The following NSRP1 variants were observed in gnomAD, a reference collection of about 807,000 sequenced individuals.
NSRP1 encodes coiled-coil domain containing 55.
A neutral mutation model predicts 54.7 loss-of-function variants in NSRP1; 24 were observed. That is an observed-to-expected ratio of 0.44 (90% CI 0.32 to 0.62). The LOEUF (loss-of-function observed/expected upper bound fraction) is 0.62, where lower values mean the gene tolerates loss of function less well. NSRP1 is among the 20% of genes least tolerant of loss of function. The pLI, the probability that NSRP1 is intolerant of heterozygous loss-of-function variation, is 0.06. For synonymous variants in NSRP1, 210 were observed against 213.8 expected, an observed-to-expected ratio of 0.98 and a Z score of 0.15; for missense variants, 596 against 651.2, an observed-to-expected ratio of 0.92 and a Z score of 0.92.
At chr17:30,154,855 T>G (rs1377503285) in intron 2 of NSRP1, among the ~76,000 whole-genome samples, 1 of 152,210 alleles carries the variant, frequency 6.6e-6, no homozygotes, top group Non-Finnish European at 1.5e-5. Flanking sequence ...CCAAAATGCT[T>G]CTTTGAGCAT....
chr17:30,123,567 T>C (rs2071623420), intron 2 of NSRP1, among the ~76,000 whole-genome samples: 1 of 152,226 alleles, frequency 6.6e-6, no homozygotes, highest in African/African-American at 2.4e-5. Context: ...ACAAAAGTTG[T>C]TTTGAGGAAA....
chr17:30,137,076 A>C (rs1462125918), intron 2 of NSRP1, among the ~76,000 whole-genome samples: 1 of 152,178 alleles, frequency 6.6e-6, no homozygotes, highest in Non-Finnish European at 1.5e-5. Context: ...CCTCAAGAGT[A>C]TTGTTGAAAT....
rs757950951 is a variant in NSRP1 at position 30,118,074 on chromosome 17, A to G, written c.21-6A>G. On this transcript the variant is annotated splice_region_variant and splice_polypyrimidine_tract_variant and intron_variant, in intron 1 of 6. Coordinates refer to ENST00000247026, the MANE Select transcript of NSRP1 (RefSeq NM_032141.4). ...TTAATTTCTATTTCAAAAAAAATAT[A>G]TGCAGGTATGGGCTTATTTTGCCAA... 2.5e-6 allele frequency: 4 copies of G among 1,609,626 alleles called. No homozygotes were observed. In the East Asian group the frequency reaches 8.9e-5, roughly 36 times the overall value.
At chr17:30,132,421 G>A (rs1181871126) in intron 2 of NSRP1, among the ~76,000 whole-genome samples, 1 of 152,026 alleles carries the variant, frequency 6.6e-6, no homozygotes, top group Non-Finnish European at 1.5e-5. Context: ...AGTTGTGGTG[G>A]CGTGCGCCTG....
At chr17:30,149,347 G>C (rs1022519902) in intron 2 of NSRP1, among the ~76,000 whole-genome samples, 3 of 152,104 alleles carry the variant, frequency 2.0e-5, no homozygotes, top group Non-Finnish European at 4.4e-5. Flanking sequence ...ACTGCACCTG[G>C]CTGCTGTTTT....
At chr17:30,139,827 A>G (rs2071786801) in intron 2 of NSRP1, among the ~76,000 whole-genome samples, 1 of 152,206 alleles carries the variant, frequency 6.6e-6, no homozygotes, top group Non-Finnish European at 1.5e-5. Flanking sequence ...GATCGAGACC[A>G]TCCTGGCTAA....
intron 2 of NSRP1, among the ~76,000 whole-genome samples, chr17:30,139,075 G>T (rs1240462939): frequency 6.6e-6 from 1 of 151,034 alleles, no homozygotes; most frequent in Non-Finnish European, 1.5e-5. Context: ...CTGCTACCAT[G>T]CCTAGCTAAT....
At position 30,185,315 on chromosome 17, in the gene NSRP1, C is replaced by T. The variant is rs115609438; in HGVS notation, c.1318C>T (p.Arg440Ter). Reference protein sequence around the residue: ...NNDKYRDREKREVGVQSSERN... With the variant: ...NNDKYRDREK ...TGATAAATACAGAGATAGAGAAAAACGAGAGGTAGGTGTTCAGTCTTCAGA... is the reference window on the plus strand; with the variant it reads ...TGATAAATACAGAGATAGAGAAAAATGAGAGGTAGGTGTTCAGTCTTCAGA... Residue 440 changes from arginine (R) to a stop codon, truncating the protein, a stop_gained, in exon 7 of 7, where the codon CGA becomes TGA. Transcript: ENST00000247026. LOFTEE classifies it high-confidence loss of function. The T allele has an allele frequency of 3.1e-6, 5 of 1,605,228 alleles. No individual in the cohort carries two copies. Among genetic ancestry groups the T allele is most frequent in the African/African-American group, 1.4e-5 (1 of 73,932 alleles).
chr17:30,127,721 T>A (rs984064493), intron 2 of NSRP1: 11 of 338,194 alleles, frequency 3.3e-5, no homozygotes, highest in Middle Eastern at 7.7e-4. Flanking sequence ...GCCTAGTTGT[T>A]GCTTTTGGAT....
At chr17:30,152,613 T>G (rs1027915263) in intron 2 of NSRP1, among the ~76,000 whole-genome samples, 13 of 152,042 alleles carry the variant, frequency 8.6e-5, no homozygotes, top group African/African-American at 3.1e-4. Context: ...AGGGCCCAAC[T>G]TCATTCTTTT....
chr17:30,168,035 G>C (rs1178522243), intron 2 of NSRP1: 1 of 152,144 alleles, frequency 6.6e-6, no homozygotes, highest in African/African-American at 2.4e-5. Flanking sequence ...GTTTAAATCA[G>C]ATTTATGCTA....
At chr17:30,118,364 C>T (rs1415087836) in intron 2 of NSRP1, among the ~76,000 whole-genome samples, 191 bp downstream of exon 2, 1 of 152,148 alleles carries the variant, frequency 6.6e-6, no homozygotes, top group Non-Finnish European at 1.5e-5. Flanking sequence ...CCTCTAAAAG[C>T]TGCAAACTTT....
intron 2 of NSRP1, among the ~76,000 whole-genome samples, chr17:30,148,738 G>C (rs1431975970): frequency 1.3e-5 from 2 of 152,152 alleles, no homozygotes; most frequent in East Asian, 3.8e-4. Flanking sequence ...TCTAAGTTTG[G>C]GCTGTGGATT....
At chr17:30,158,362 A>G (rs1041453821) in intron 2 of NSRP1, among the ~76,000 whole-genome samples, 1 of 140,948 alleles carries the variant, frequency 7.1e-6, no homozygotes, top group Non-Finnish European at 1.5e-5. Flanking sequence ...TATTCTGGAT[A>G]TTAGTCACTT....
chr17:30,163,617 T>G (rs960616591), intron 2 of NSRP1, among the ~76,000 whole-genome samples: 2 of 151,174 alleles, frequency 1.3e-5, no homozygotes, highest in Admixed American at 6.6e-5. Flanking sequence ...AGAAAAAAAC[T>G]AAGAAATCTA....
At chr17:30,140,056 A>G (rs2071789361) in intron 2 of NSRP1, among the ~76,000 whole-genome samples, 1 of 152,198 alleles carries the variant, frequency 6.6e-6, no homozygotes, top group African/African-American at 2.4e-5. Context: ...TTTTACTCTC[A>G]TAGTCTCACA....
At chr17:30,152,752 ATTTC>A (rs1293787900) in intron 2 of NSRP1, among the ~76,000 whole-genome samples, 2 of 151,286 alleles carry the variant, frequency 1.3e-5, no homozygotes, top group Non-Finnish European at 2.9e-5. Context: ...TATGATTGCT[ATTTC>A]TTCTTGATCT....
intron 2 of NSRP1, among the ~76,000 whole-genome samples, chr17:30,145,238 G>A (rs1453942804): frequency 2.0e-5 from 3 of 152,036 alleles, no homozygotes; most frequent in Non-Finnish European, 4.4e-5. Context: ...AGTTTTTATG[G>A]GGATATATAT....
chr17:30,181,621 T>A (rs1905301901), intron 6 of NSRP1, among the ~76,000 whole-genome samples: 2 of 150,582 alleles, frequency 1.3e-5, no homozygotes, highest in Admixed American at 6.6e-5. Context: ...TTTTTTTTTT[T>A]TTTAGATGGA....
Sources: allele counts gnomAD v4.1 joint callset (sites outside exome capture counted in the v4.1 genomes callset), GRCh38; gene constraint gnomAD v4.1.1; transcripts MANE v1.5; gene names NCBI Gene and HGNC (gene_info 2026-07-23, HGNC 2026-07-21).